Variants in XKR9 observed in about 807,000 individuals in gnomAD.
The protein encoded by XKR9 is XK-related protein 9.
A neutral mutation model predicts 32.0 loss-of-function variants in XKR9; 32 were observed. The observed-to-expected ratio is 1.00, with a 90% confidence interval of 0.76 to 1.34. The LOEUF (loss-of-function observed/expected upper bound fraction) is 1.34. Among genes scored for constraint, XKR9 ranks in the 40% most tolerant of loss-of-function variants. The pLI, the probability that XKR9 is intolerant of heterozygous loss-of-function variation, is 0.00. For synonymous variants in XKR9, 168 were observed against 143.4 expected, an observed-to-expected ratio of 1.17 and a Z score of -1.22; for missense variants, 546 against 429.7, an observed-to-expected ratio of 1.27 and a Z score of -2.39.
At chr8:70,944,001 T>TA in the XKR9 span, among the ~76,000 whole-genome samples, 1 of 152,110 alleles carries the variant, frequency 6.6e-6, no homozygotes, top group Non-Finnish European at 1.5e-5. Flanking sequence ...AAAGAAGAAA[T>TA]AAAAAATGCT....
At chr8:70,867,360 C>T in the XKR9 span, among the ~76,000 whole-genome samples, 1 of 152,186 alleles carries the variant, frequency 6.6e-6, no homozygotes, top group South Asian at 2.1e-4. Flanking sequence ...ACAGCCAAAC[C>T]ATATCATTCT....
chr8:70,761,724 T>C (rs1272249239), intron 2 of XKR9, among the ~76,000 whole-genome samples: 1 of 152,222 alleles, frequency 6.6e-6, no homozygotes, highest in East Asian at 1.9e-4. Context: ...CAATTTTTGC[T>C]TTTGTTGCAA....
chr8:70,757,691 T>C (rs1207306063), intron 2 of XKR9, among the ~76,000 whole-genome samples: 1 of 152,152 alleles, frequency 6.6e-6, no homozygotes, highest in African/African-American at 2.4e-5. Flanking sequence ...GTTCAAGTGA[T>C]TCTCCTGCCT....
the XKR9 span, among the ~76,000 whole-genome samples, chr8:70,855,995 A>C: frequency 6.6e-6 from 1 of 152,222 alleles, no homozygotes; most frequent in Non-Finnish European, 1.5e-5. Context: ...CATGGAAAGG[A>C]ACAACTGGTA....
At chr8:71,054,619 C>A in the XKR9 span, among the ~76,000 whole-genome samples, 2 of 152,122 alleles carry the variant, frequency 1.3e-5, no homozygotes, top group Non-Finnish European at 2.9e-5. Flanking sequence ...GCTACTGGTG[C>A]CATTATAGCT....
At chr8:70,780,890 C>T (rs1479288776) in intron 2 of XKR9, 1 of 146,246 alleles carries the variant, frequency 6.8e-6, no homozygotes, top group Non-Finnish European at 1.5e-5. Flanking sequence ...CAACAATTCT[C>T]TTCCTTTTTT....
intron 3 of XKR9, chr8:70,683,772 GCCA>G (rs1453978702): frequency 2.1e-5 from 5 of 233,408 alleles, no homozygotes; most frequent in Non-Finnish European, 4.3e-5. Context: ...ATAGGTGTGA[GCCA>G]CCATGTTCGG....
intron 3 of XKR9, among the ~76,000 whole-genome samples, chr8:70,693,334 GC>G (rs1805145465): frequency 6.6e-6 from 1 of 152,154 alleles, no homozygotes; most frequent in African/African-American, 2.4e-5. Context: ...TGCTGTTGAA[GC>G]TTTGGGGGTA....
the XKR9 span, among the ~76,000 whole-genome samples, chr8:70,924,347 C>T: frequency 4.6e-5 from 7 of 152,170 alleles, no homozygotes; most frequent in African/African-American, 1.7e-4. Flanking sequence ...TTCTAAAATA[C>T]CACAAGATTT....
chr8:70,696,779 G>A (rs1481550322), intron 3 of XKR9, among the ~76,000 whole-genome samples: 1 of 151,416 alleles, frequency 6.6e-6, no homozygotes, highest in East Asian at 1.9e-4. Context: ...TGGGCAGTAT[G>A]GCCATTTTCA....
the XKR9 span, among the ~76,000 whole-genome samples, chr8:71,057,386 T>C: frequency 1.3e-5 from 2 of 152,152 alleles, no homozygotes; most frequent in Non-Finnish European, 2.9e-5. Context: ...CCAAGAAGCA[T>C]TGTATTTTCC....
At chr8:70,939,406 A>G in the XKR9 span, among the ~76,000 whole-genome samples, 1 of 152,028 alleles carries the variant, frequency 6.6e-6, no homozygotes, top group African/African-American at 2.4e-5. Context: ...TAATAATAGT[A>G]AAAACTTTGA....
chr8:70,981,873 G>T, the XKR9 span, among the ~76,000 whole-genome samples: 1 of 152,194 alleles, frequency 6.6e-6, no homozygotes, highest in South Asian at 2.1e-4. Flanking sequence ...TATGAATGGG[G>T]CTTCCCAAGA....
the XKR9 span, among the ~76,000 whole-genome samples, chr8:70,821,694 T>C: frequency 1.5e-3 from 236 of 152,354 alleles, no homozygotes; most frequent in African/African-American, 5.5e-3. Context: ...GGCTTGGGGC[T>C]TGCACCCTCT....
chr8:70,929,560 C>T, the XKR9 span, among the ~76,000 whole-genome samples: 1 of 152,190 alleles, frequency 6.6e-6, no homozygotes, highest in African/African-American at 2.4e-5. Flanking sequence ...GGGAAAGAAT[C>T]TCCATCTAGG....
At chr8:71,064,657 T>C in the XKR9 span, among the ~76,000 whole-genome samples, 1 of 152,118 alleles carries the variant, frequency 6.6e-6, no homozygotes. Context: ...TCCTTTATGG[T>C]TTTTTTAAGG....
the XKR9 span, among the ~76,000 whole-genome samples, chr8:71,048,951 T>C: frequency 6.6e-6 from 1 of 152,184 alleles, no homozygotes; most frequent in Non-Finnish European, 1.5e-5. Context: ...ACTAATGTAC[T>C]TGGTTTGAAG....
the XKR9 span, among the ~76,000 whole-genome samples, chr8:70,919,451 T>G: frequency 2.0e-5 from 3 of 152,244 alleles, no homozygotes; most frequent in East Asian, 5.8e-4. Flanking sequence ...ATGGTTTGAT[T>G]AGGGGAAATG....
chr8:70,853,264 CGTG>C, the XKR9 span, among the ~76,000 whole-genome samples: 1 of 151,372 alleles, frequency 6.6e-6, no homozygotes, highest in Non-Finnish European at 1.5e-5. Flanking sequence ...GGCAGTGAGG[CGTG>C]GGGTGTGGAG....
Sources: gnomAD v4.1 joint callset for allele counts (sites outside exome capture counted in the v4.1 genomes callset) on GRCh38, gnomAD v4.1.1 for gene constraint, MANE v1.5 for transcripts, NCBI Gene and HGNC (gene_info 2026-07-23, HGNC 2026-07-21) for gene names.